Variants in CCSER1 observed in about 807,000 individuals in gnomAD.
CCSER1 encodes coiled-coil serine rich protein 1, also known as serine-rich coiled-coil domain-containing protein 1.
In CCSER1, 41 loss-of-function variants were observed where a neutral mutation model predicts 82.0. That is an observed-to-expected ratio of 0.50 (90% CI 0.39 to 0.65). CCSER1 has a LOEUF of 0.65. Ranked by LOEUF, CCSER1 falls within the 30% of genes least tolerant of loss-of-function variation. CCSER1 has a pLI of 0.00. For synonymous variants in CCSER1, 414 were observed against 383.9 expected (o/e 1.08, Z -0.92); for missense variants, 1,119 against 1,064.2 (o/e 1.05, Z -0.72).
At chr4:90,482,785 C>T (rs1305737473) in intron 5 of CCSER1, among the ~76,000 whole-genome samples, 3 of 152,162 alleles carry the variant, frequency 2.0e-5, no homozygotes, top group Non-Finnish European at 4.4e-5. Flanking sequence ...GAGTGCTTTA[C>T]TTCCAAGTAT....
intron 10 of CCSER1, among the ~76,000 whole-genome samples, chr4:91,223,726 A>T (rs986701309): frequency 1.3e-5 from 2 of 152,084 alleles, no homozygotes; most frequent in Non-Finnish European, 2.9e-5. Context: ...TTTATTGAGG[A>T]TGTCCAAAGA....
intron 10 of CCSER1, among the ~76,000 whole-genome samples, chr4:91,321,524 T>A (rs898583689): frequency 3.9e-5 from 6 of 152,086 alleles, no homozygotes; most frequent in Admixed American, 3.3e-4. Flanking sequence ...CAGTTTTGCC[T>A]TATTATTTGT....
intron 6 of CCSER1, among the ~76,000 whole-genome samples, chr4:90,652,908 G>A (rs2149053342): frequency 6.6e-6 from 1 of 152,152 alleles, no homozygotes; most frequent in South Asian, 2.1e-4. Flanking sequence ...GGGAAGGTTT[G>A]GTCTTCATTC....
intron 5 of CCSER1, among the ~76,000 whole-genome samples, chr4:90,534,799 T>C (rs1209354892): frequency 6.6e-6 from 1 of 152,208 alleles, no homozygotes; most frequent in Non-Finnish European, 1.5e-5. Flanking sequence ...TAATTGCTAC[T>C]GAAGTTAATC....
At chr4:90,203,547 A>T (rs1480025041) in intron 1 of CCSER1, among the ~76,000 whole-genome samples, 5 of 152,194 alleles carry the variant, frequency 3.3e-5, no homozygotes, top group African/African-American at 9.6e-5. Context: ...ATGGCTGCAT[A>T]GTATTCCATG....
chr4:91,214,899 C>T (rs1310704280), intron 10 of CCSER1, among the ~76,000 whole-genome samples: 1 of 151,932 alleles, frequency 6.6e-6, no homozygotes, highest in East Asian at 1.9e-4. Context: ...TTAACTGGAA[C>T]TCCATATGTA....
At chr4:90,622,592 A>G (rs954508590) in intron 5 of CCSER1, among the ~76,000 whole-genome samples, 2 of 152,174 alleles carry the variant, frequency 1.3e-5, no homozygotes, top group Non-Finnish European at 2.9e-5. Flanking sequence ...TACAAAGGAC[A>G]TGAACTGTCC....
chr4:91,036,444 AG>A (rs1408735048), intron 9 of CCSER1, among the ~76,000 whole-genome samples: 5 of 152,172 alleles, frequency 3.3e-5, no homozygotes, highest in Admixed American at 2.0e-4. Flanking sequence ...TGTCCAAAGT[AG>A]AACTCCAGAC....
intron 5 of CCSER1, among the ~76,000 whole-genome samples, chr4:90,570,258 A>G (rs1779940189): frequency 6.6e-6 from 1 of 151,866 alleles, no homozygotes; most frequent in Non-Finnish European, 1.5e-5. Flanking sequence ...GTCTGGAATG[A>G]CTCTGCGATC....
At chr4:91,274,497 C>T (rs1742271384) in intron 10 of CCSER1, among the ~76,000 whole-genome samples, 1 of 151,798 alleles carries the variant, frequency 6.6e-6, no homozygotes. Flanking sequence ...ACCCATTTTT[C>T]CCAGGCCCTA....
At chr4:91,330,811 C>T (rs991948527) in intron 10 of CCSER1, among the ~76,000 whole-genome samples, 19 of 152,028 alleles carry the variant, frequency 1.2e-4, no homozygotes, top group African/African-American at 2.4e-4. Context: ...TTGCTTTTCA[C>T]GGTTTAAGTT....
chr4:91,462,095 T>G, intron 10 of CCSER1, among the ~76,000 whole-genome samples: 1 of 152,150 alleles, frequency 6.6e-6, no homozygotes, highest in East Asian at 1.9e-4. Context: ...GAGTGAAACT[T>G]TTCAGAGATT....
rs559118388 is a variant in CCSER1 at position 90,795,798 on chromosome 4, T to C, written c.2011-19964T>C. On this transcript the variant is annotated intron_variant, in intron 7 of 10. Coordinates refer to ENST00000509176, the MANE Select transcript of CCSER1 (RefSeq NM_001145065.2). ...TTCTGTTTATGTGATGAATCACATTTATTTATTTGTGTATGTTGAACCAAC... is the reference window on the plus strand; with the variant it reads ...TTCTGTTTATGTGATGAATCACATTCATTTATTTGTGTATGTTGAACCAAC... Among the ~76,000 whole-genome samples, 10 of 152,366 alleles carry C rather than the reference T, an allele frequency of 6.6e-5. 1 individual carries two copies. Among genetic ancestry groups the C allele is most frequent in the African/African-American group, 2.2e-4 (9 of 41,592 alleles).
At chr4:91,083,659 A>G (rs149216115) in intron 9 of CCSER1, among the ~76,000 whole-genome samples, 1,527 of 152,214 alleles carry the variant, frequency 0.01, 39 homozygotes, top group African/African-American at 0.035. Flanking sequence ...AGAGAAATAG[A>G]TAGTAAAATA....
At chr4:91,205,657 C>T (rs1468893727) in intron 10 of CCSER1, among the ~76,000 whole-genome samples, 1 of 151,006 alleles carries the variant, frequency 6.6e-6, no homozygotes, top group Non-Finnish European at 1.5e-5. Context: ...TGCTTTCCTC[C>T]CTCCCTCCCT....
At position 91,518,011 on chromosome 4, in the gene CCSER1, T is replaced by C. The variant is rs368528188; in HGVS notation, c.2218-80561T>C. Among the ~76,000 whole-genome samples, 5 of 152,140 alleles carry C rather than the reference T, an allele frequency of 3.3e-5. No individual in the cohort carries two copies. The East Asian group carries it at 5.8e-4, about 18-fold the overall frequency. On this transcript the variant is annotated intron_variant, in intron 10 of 10. Coordinates refer to ENST00000509176, the MANE Select transcript of CCSER1 (RefSeq NM_001145065.2). ...GTAGTCTCTTCCTCAGTCATGTAGCTCCTCTGTATTTCCTCATGTTTGCAG... is the reference window on the plus strand; with the variant it reads ...GTAGTCTCTTCCTCAGTCATGTAGCCCCTCTGTATTTCCTCATGTTTGCAG...
At chr4:91,010,287 G>A (rs968808901) in intron 9 of CCSER1, among the ~76,000 whole-genome samples, 2 of 152,124 alleles carry the variant, frequency 1.3e-5, no homozygotes, top group African/African-American at 4.8e-5. Context: ...ATAGTCTGAT[G>A]GAGATTACCT....
At chr4:91,243,334 C>T (rs1739513099) in intron 10 of CCSER1, among the ~76,000 whole-genome samples, 1 of 152,176 alleles carries the variant, frequency 6.6e-6, no homozygotes, top group African/African-American at 2.4e-5. Flanking sequence ...GGCAGTCTAG[C>T]ACGCAAGAAC....
intron 7 of CCSER1, among the ~76,000 whole-genome samples, chr4:90,768,192 G>A (rs562027567): frequency 6.6e-6 from 1 of 152,328 alleles, no homozygotes; most frequent in African/African-American, 2.4e-5. Context: ...CCAGTACTGT[G>A]TCATAAGGTC....
Sources: allele counts gnomAD v4.1 joint callset (sites outside exome capture counted in the v4.1 genomes callset), GRCh38; gene constraint gnomAD v4.1.1; transcripts MANE v1.5; gene names NCBI Gene and HGNC (gene_info 2026-07-23, HGNC 2026-07-21).